Variants in POMT2 observed in about 807,000 individuals in gnomAD.
The protein encoded by POMT2 is protein O-mannosyl-transferase 2.
In POMT2, 75 loss-of-function variants were observed where a neutral mutation model predicts 100.0. That is an observed-to-expected ratio of 0.75 (90% confidence interval 0.62 to 0.91). POMT2 has a LOEUF of 0.91. POMT2 is among the 40% of genes least tolerant of loss of function. The pLI, the probability that POMT2 is intolerant of heterozygous loss-of-function variation, is 0.00. For missense variants in POMT2, 940 were observed against 955.1 expected, an observed-to-expected ratio of 0.98 and a Z score of 0.21; for synonymous variants, 378 against 374.1, an observed-to-expected ratio of 1.01 and a Z score of -0.12.
At chr14:77,290,950 A>G (rs1403062115) in intron 10 of POMT2, among the ~76,000 whole-genome samples, 1 of 152,138 alleles carries the variant, frequency 6.6e-6, no homozygotes, top group Non-Finnish European at 1.5e-5. Flanking sequence ...GGTGTGCTCT[A>G]TGTAAGAAAT....
chr14:77,312,208 C>G, intron 1 of POMT2, 175 bp from the exon 2 acceptor site: 2 of 1,075,934 alleles, frequency 1.9e-6, no homozygotes, highest in South Asian at 1.7e-5. Context: ...AGACATCAAG[C>G]TGGCCACTGG....
rs759220971 is a variant in POMT2, at chr14:77,279,890, G to A, written c.1824C>T (p.Tyr608=). The A allele has an allele frequency of 7.4e-6, 12 of 1,614,020 alleles. No homozygotes were observed. Among genetic ancestry groups the A allele is most frequent in the Non-Finnish European group, 8.5e-6 (10 of 1,180,038 alleles). Residue 608 remains tyrosine, a synonymous_variant, in exon 18 of 21, where the codon TAC becomes TAT. Coordinates refer to ENST00000261534, the MANE Select transcript of POMT2 (RefSeq NM_013382.7). The part of the protein sequence containing the change: ...WWLNLLSIAL[Y]LLSGSIIAVA... Reference sequence around the variant, plus strand: ...CAGCAATGATGCTCCCTGAGAGGAGGTAGAGGGCGATGCTCAACAGATTCA... The same window carrying A: ...CAGCAATGATGCTCCCTGAGAGGAGATAGAGGGCGATGCTCAACAGATTCA...
chr14:77,292,480 T>C lies in POMT2; in HGVS notation c.1117-1100A>G, dbSNP rs180728139. ...AATTTGCTCAAGGTCACACAGCTTA[T>C]GCGTTGGGGAGACAGAATTCAAACC... On this transcript the variant is annotated intron_variant, in intron 9 of 20. Transcript: ENST00000261534. 1.7e-3 allele frequency among the ~76,000 whole-genome samples: 266 copies of C among 152,342 alleles called. 2 individuals are homozygous for C. The highest frequency in any genetic ancestry group is 0.014 in the South Asian group (67 of 4,828).
At chr14:77,288,434 GC>G (rs1201700126) in intron 11 of POMT2, among the ~76,000 whole-genome samples, 2 of 152,166 alleles carry the variant, frequency 1.3e-5, no homozygotes, top group Non-Finnish European at 2.9e-5. Flanking sequence ...CATTTGGGAG[GC>G]TGAAGCGGGA....
chr14:77,308,544 C>T (rs973286619), intron 2 of POMT2, among the ~76,000 whole-genome samples: 5 of 151,700 alleles, frequency 3.3e-5, no homozygotes, highest in African/African-American at 1.2e-4. Context: ...TTAGTAGAGA[C>T]GGGGTTTCAC....
At chr14:77,304,668 C>G in intron 4 of POMT2, 24 bp downstream of exon 4, 5 of 1,564,362 alleles carry the variant, frequency 3.2e-6, no homozygotes, top group Non-Finnish European at 4.3e-6. Flanking sequence ...TCCCAAAAGC[C>G]ATGGTATGGC....
intron 6 of POMT2, chr14:77,300,676 T>C: frequency 4.2e-6 from 1 of 240,680 alleles, no homozygotes; most frequent in South Asian, 5.0e-5. Context: ...AAAAATTAGC[T>C]GGGCATGGTG....
At position 77,320,769 on chromosome 14, in the gene POMT2, G is replaced by C; in HGVS notation, c.-88C>G. 1 of 1,507,350 alleles carries C rather than the reference G, an allele frequency of 6.6e-7. No individual in the cohort carries two copies. The highest frequency in any genetic ancestry group is 8.8e-7 in the Non-Finnish European group (1 of 1,138,556). The allele number at this position is 1,507,350 out of a possible 1,614,324, so 93.4% of individuals were successfully genotyped here. A position where few individuals can be genotyped will look rare whatever the true frequency, so the allele number is the denominator to read the frequency against. On this transcript the variant is annotated 5_prime_UTR_variant, in exon 1 of 21. Transcript: ENST00000261534. ...CCAAGGAGTCACAAGAGGGCAGCTC[G>C]GGGTACCCCGGGAAATGCAACGCCC...
At chr14:77,308,786 A>G (rs1033848763) in intron 2 of POMT2, 1 of 453,212 alleles carries the variant, frequency 2.2e-6, no homozygotes, top group African/African-American at 2.0e-5. Context: ...TATCTAACTC[A>G]ATTTTAAATG....
In POMT2 at chr14:77,279,681, T is replaced by C. The variant is rs776135407; in HGVS notation, c.1891+142A>G. On this transcript the variant is annotated intron_variant, in intron 18 of 20. Transcript: ENST00000261534. ...ACAGCACTGGGTACTTGGGGGTTGT[T>C]ACCTTTCAAAAGCAAAGGATAAGGG... 18 of 846,540 alleles carry C rather than the reference T, an allele frequency of 2.1e-5. No individual in the cohort carries two copies. In the South Asian group the frequency reaches 2.6e-4, roughly 12 times the overall value. 52.4% of individuals were successfully genotyped at this position (846,540 alleles called of 1,614,324 possible).
chr14:77,284,262 G>T (rs1034146759), intron 14 of POMT2: 1 of 312,114 alleles, frequency 3.2e-6, no homozygotes, highest in African/African-American at 2.2e-5. Flanking sequence ...TGGACGCCTG[G>T]AGCAGCTGCT....
intron 6 of POMT2, chr14:77,300,193 A>T (rs578200383): frequency 6.2e-6 from 1 of 161,990 alleles, no homozygotes; most frequent in South Asian, 1.7e-4. Context: ...TGAATGAATG[A>T]ATAAACTTGT....
rs754310690 is a variant in POMT2 at position 77,299,540 on chromosome 14, T to A, written c.838A>T (p.Thr280Ser). The A allele has an allele frequency of 1.9e-6, 3 of 1,614,002 alleles. No individual in the cohort carries two copies. The African/African-American group carries it at 4.0e-5, about 22-fold the overall frequency. Residue 280 changes from threonine (T) to serine (S), a missense_variant, in exon 7 of 21, where the codon ACT becomes TCT. Physicochemically the swap from Thr to Ser is moderately conservative, Grantham distance 58 (BLOSUM62 1). Coordinates refer to ENST00000261534, the MANE Select transcript of POMT2 (RefSeq NM_013382.7). Reference sequence around the variant, plus strand: ...ACTATGAGGCACAGGACACGAGCAGTCAGGTGTTTTCCCACAGTCACCTGC... The same window carrying A: ...ACTATGAGGCACAGGACACGAGCAGACAGGTGTTTTCCCACAGTCACCTGC... ...LSLVTVGKHL[T>S]ARVLCLIVLP...
chr14:77,312,822 G>A (rs761424966), intron 1 of POMT2, among the ~76,000 whole-genome samples: 4 of 152,180 alleles, frequency 2.6e-5, no homozygotes, highest in Non-Finnish European at 4.4e-5. Context: ...AACCATGAGT[G>A]TCACAGGAGT....
chr14:77,281,301 C>G (rs185520770), intron 15 of POMT2, among the ~76,000 whole-genome samples: 2 of 152,146 alleles, frequency 1.3e-5, no homozygotes, highest in East Asian at 3.9e-4. Context: ...AGACAAGTTT[C>G]TCCCTAAACA....
At chr14:77,296,095 G>T in intron 9 of POMT2, 69 bp downstream of exon 9, 1 of 1,193,552 alleles carries the variant, frequency 8.4e-7, no homozygotes, top group Admixed American at 2.0e-5. Context: ...CAAAGGATAG[G>T]AGGCAAGAGA....
intron 18 of POMT2, chr14:77,279,574 G>C: frequency 1.6e-6 from 1 of 633,996 alleles, no homozygotes; most frequent in East Asian, 3.2e-5. Flanking sequence ...TAATCTCATG[G>C]TTCCTTGGTT....
Position 77,306,458 on chromosome 14 carries a change from A to T in POMT2, c.334-17T>A. 6.2e-7 allele frequency: 1 copy of T among 1,610,856 alleles called. No homozygotes were observed. Among genetic ancestry groups the T allele is most frequent in the Non-Finnish European group, 8.5e-7 (1 of 1,177,392 alleles). On this transcript the variant is annotated splice_polypyrimidine_tract_variant and intron_variant, in intron 2 of 20. Coordinates refer to ENST00000261534, the MANE Select transcript of POMT2 (RefSeq NM_013382.7). ...TATCAGCATCTGAGGAGAGAAGAAC[A>T]AACAAAAAGATGAGAAGCCTTTGGG...
chr14:77,307,552 C>T (rs960213837), intron 2 of POMT2, among the ~76,000 whole-genome samples: 1 of 152,202 alleles, frequency 6.6e-6, no homozygotes, highest in African/African-American at 2.4e-5. Flanking sequence ...TCCCTCTTCC[C>T]ACCTGGGATC....
Sources: allele counts gnomAD v4.1 joint callset (sites outside exome capture counted in the v4.1 genomes callset), GRCh38; gene constraint gnomAD v4.1.1; transcripts MANE v1.5; gene names NCBI Gene and HGNC (gene_info 2026-07-23, HGNC 2026-07-21).